PTPN13: variants seen among roughly 807,000 people sequenced by gnomAD.
The protein encoded by PTPN13 is tyrosine-protein phosphatase non-receptor type 13.
Under a neutral mutation model 284.0 loss-of-function variants are expected in PTPN13, and 191 were observed. The observed-to-expected ratio is 0.67, with a 90% CI of 0.60 to 0.76. PTPN13 has a LOEUF of 0.76. PTPN13 is among the 30% of genes least tolerant of loss of function. The probability of loss-of-function intolerance (pLI) is 0.00; values close to 1 mark genes in which losing one functional copy is unlikely to be tolerated. For missense variants in PTPN13, 2,797 were observed against 2,939.9 expected, an observed-to-expected ratio of 0.95 and a Z score of 1.12; for synonymous variants, 986 against 1,022.3, an observed-to-expected ratio of 0.96 and a Z score of 0.68.
chr4:86,684,226 TA>T (rs1161575860), intron 3 of PTPN13, among the ~76,000 whole-genome samples: 1 of 152,172 alleles, frequency 6.6e-6, no homozygotes, highest in Non-Finnish European at 1.5e-5. Flanking sequence ...ATATATGAGA[TA>T]ATGCTTTAAC....
intron 20 of PTPN13, among the ~76,000 whole-genome samples, chr4:86,753,318 A>G (rs578038349): frequency 1.3e-5 from 2 of 152,208 alleles, no homozygotes; most frequent in East Asian, 3.9e-4. Context: ...CAGGTGGGAG[A>G]TAATTTCTAT....
intron 32 of PTPN13, 37 bp from the exon 33 acceptor site, chr4:86,774,336 T>G (rs779707789): frequency 6.4e-7 from 1 of 1,564,172 alleles, no homozygotes; most frequent in African/African-American, 1.4e-5. Flanking sequence ...TAGTGCAGAA[T>G]AGACAACCTA....
In PTPN13 at chr4:86,758,256, A is replaced by G. The variant is rs372067790; in HGVS notation, c.3224-4A>G. The G allele has an allele frequency of 3.1e-5, 50 of 1,588,962 alleles. No homozygotes were observed. The highest frequency in any genetic ancestry group is 6.8e-5 in the Admixed American group (4 of 59,256). ...TTTATTTTTAAATTATAAATTCCCA[A>G]TAGATGTGCTACACAAAAGATGGAG... On this transcript the variant is annotated splice_polypyrimidine_tract_variant and splice_region_variant and intron_variant, in intron 20 of 47. Coordinates refer to ENST00000411767, the MANE Select transcript of PTPN13 (RefSeq NM_080683.3).
chr4:86,635,283 G>A lies in PTPN13; in HGVS notation c.27G>A (p.Leu9=). MHVSLAEA[L]EVRGGPLQEE... ...TGCACGTGTCACTAGCTGAGGCCCT[G>A]GAGGTTCGGGGTGGACCACTTCAGG... The change falls in exon 2 of 48, where the codon CTG becomes CTA. Residue 9 remains leucine, a synonymous_variant. Transcript: ENST00000411767. 1.9e-6 allele frequency: 3 copies of A among 1,606,082 alleles called. No homozygotes were observed. Among genetic ancestry groups the A allele is most frequent in the Non-Finnish European group, 2.5e-6 (3 of 1,176,562 alleles).
intron 2 of PTPN13, among the ~76,000 whole-genome samples, chr4:86,647,065 A>G (rs1724529394): frequency 1.3e-5 from 2 of 152,182 alleles, no homozygotes; most frequent in African/African-American, 4.8e-5. Flanking sequence ...GGGATGAGAG[A>G]TGATGATGGG....
intron 42 of PTPN13, among the ~76,000 whole-genome samples, chr4:86,801,807 A>G (rs1379014171): frequency 6.6e-6 from 1 of 152,220 alleles, no homozygotes. Flanking sequence ...GCCCAGTTTA[A>G]GAAAAACTAA....
chr4:86,774,249 G>T, intron 32 of PTPN13, 124 bp from the exon 33 acceptor site: 2 of 916,082 alleles, frequency 2.2e-6, no homozygotes, highest in Non-Finnish European at 3.2e-6. Context: ...TTCTTCACTT[G>T]GACAAGTTAA....
chr4:86,759,019 G>A lies in PTPN13; in HGVS notation c.3499G>A (p.Ala1167Thr), dbSNP rs935247699. Reference protein sequence around the residue: ...HHAAIEILQNAPEDVTLVISQ... With the variant: ...HHAAIEILQNTPEDVTLVISQ... ...TGCTGCAATTGAAATTTTGCAAAAT[G>A]CACCTGAAGATGTGACACTTGTTAT... The change falls in exon 23 of 48, where the codon GCA (alanine) becomes ACA (threonine). Residue 1167 changes from alanine to threonine, a missense_variant. By Grantham distance (58) the Ala-to-Thr change is moderately conservative (BLOSUM62 0). Transcript: ENST00000411767. 1 of 1,613,682 alleles carries A rather than the reference G, an allele frequency of 6.2e-7. No individual in the cohort carries two copies. The highest frequency in any genetic ancestry group is 2.2e-5 in the East Asian group (1 of 44,872).
chr4:86,654,090 C>T (rs1218502727), intron 2 of PTPN13, among the ~76,000 whole-genome samples: 2 of 151,866 alleles, frequency 1.3e-5, no homozygotes, highest in Non-Finnish European at 2.9e-5. Context: ...AAATTGACAC[C>T]CTAACATCAC....
At chr4:86,706,017 C>T (rs1217397013) in intron 7 of PTPN13, among the ~76,000 whole-genome samples, 1 of 152,096 alleles carries the variant, frequency 6.6e-6, no homozygotes, top group Non-Finnish European at 1.5e-5. Flanking sequence ...TTGAAAGGAT[C>T]CTTTACCTAA....
chr4:86,621,483 AGT>A (rs538801387), intron 1 of PTPN13, among the ~76,000 whole-genome samples: 2 of 152,158 alleles, frequency 1.3e-5, no homozygotes, highest in Non-Finnish European at 2.9e-5. Flanking sequence ...TGAAAAAGCA[AGT>A]GTTTTTTTTT....
chr4:86,807,521 T>C (rs1196580620), intron 44 of PTPN13, 39 bp from the exon 45 acceptor site: 1 of 1,454,236 alleles, frequency 6.9e-7, no homozygotes. Context: ...TTAAAATGCA[T>C]GATATGGATG....
At chr4:86,639,269 C>T (rs989749714) in intron 2 of PTPN13, among the ~76,000 whole-genome samples, 5 of 151,962 alleles carry the variant, frequency 3.3e-5, no homozygotes, top group East Asian at 1.9e-4. Context: ...GTCAATGTGG[C>T]GATTCCTCAG....
chr4:86,745,822 C>T (rs556180816), intron 17 of PTPN13, among the ~76,000 whole-genome samples: 1 of 152,022 alleles, frequency 6.6e-6, no homozygotes, highest in African/African-American at 2.4e-5. Flanking sequence ...ATTGAACAGA[C>T]TTTATGACCT....
At chr4:86,753,896 T>C (rs912922311) in intron 20 of PTPN13, among the ~76,000 whole-genome samples, 2 of 152,098 alleles carry the variant, frequency 1.3e-5, no homozygotes, top group African/African-American at 2.4e-5. Flanking sequence ...ATTAAAATTA[T>C]TAATACAGCT....
chr4:86,606,598 T>C (rs577477270), intron 1 of PTPN13, among the ~76,000 whole-genome samples: 1 of 152,044 alleles, frequency 6.6e-6, no homozygotes, highest in South Asian at 2.1e-4. Flanking sequence ...AAAAAGTTTC[T>C]AAATGAATCG....
At chr4:86,684,304 A>G (rs1729213343) in intron 3 of PTPN13, among the ~76,000 whole-genome samples, 1 of 152,232 alleles carries the variant, frequency 6.6e-6, no homozygotes, top group Admixed American at 6.5e-5. Context: ...AGTAATGGCC[A>G]GAGACAATAT....
intron 1 of PTPN13, among the ~76,000 whole-genome samples, chr4:86,631,808 T>G (rs1722501589): frequency 6.6e-6 from 1 of 152,164 alleles, no homozygotes; most frequent in Non-Finnish European, 1.5e-5. Flanking sequence ...GAGAAGTTAC[T>G]TTTAACCTTT....
intron 44 of PTPN13, 37 bp downstream of exon 44, chr4:86,805,406 C>A: frequency 2.3e-6 from 3 of 1,327,984 alleles, no homozygotes; most frequent in South Asian, 1.3e-5. Flanking sequence ...AATATGTGAT[C>A]AGTATAATAT....
Sources: allele counts gnomAD v4.1 joint callset (sites outside exome capture counted in the v4.1 genomes callset), GRCh38; gene constraint gnomAD v4.1.1; transcripts MANE v1.5; gene names NCBI Gene and HGNC (gene_info 2026-07-23, HGNC 2026-07-21).